The following ASPHD1 variants were observed in gnomAD, a reference collection of about 807,000 sequenced individuals.
ASPHD1 encodes aspartate beta-hydroxylase domain containing 1.
ASPHD1 carries 20 observed loss-of-function variants against 28.3 expected under a neutral mutation model. That is an observed-to-expected ratio of 0.71 (90% confidence interval 0.50 to 1.03). The LOEUF is 1.03. Ranked by LOEUF, ASPHD1 falls within the 50% of genes least tolerant of loss-of-function variation. The pLI is 0.00. For synonymous variants in ASPHD1, 240 were observed against 221.2 expected, an observed-to-expected ratio of 1.08 and a Z score of -0.75; for missense variants, 479 against 524.1, an observed-to-expected ratio of 0.91 and a Z score of 0.84.
intron 1 of ASPHD1, among the ~76,000 whole-genome samples, chr16:29,902,538 C>T (rs189952296): frequency 5.0e-4 from 76 of 152,354 alleles, no homozygotes; most frequent in African/African-American, 1.6e-3. Context: ...TGAGGAGTCT[C>T]GCTCTGTCGC....
downstream of ASPHD1, chr16:29,906,891 T>C: frequency 1.2e-6 from 2 of 1,613,914 alleles, no homozygotes; most frequent in Non-Finnish European, 1.7e-6. Context: ...GAAGACAATT[T>C]GTTGGCCATG....
Position 29,901,958 on chromosome 16 carries a change from G to C in ASPHD1, c.949+38G>C. The C allele has an allele frequency of 7.1e-7, 1 of 1,416,986 alleles. No homozygotes were observed. The highest frequency in any genetic ancestry group is 9.3e-7 in the Non-Finnish European group (1 of 1,080,180). 87.8% of individuals were successfully genotyped at this position (1,416,986 alleles called of 1,614,324 possible). A position where few individuals can be genotyped will look rare whatever the true frequency, so the allele number is the denominator to read the frequency against. Reference sequence around the variant, plus strand: ...CGCCTACTGACAACCTCCTTGCCTCGATGATTTCCCCCCCAGACCCTTCTC... The same window carrying C: ...CGCCTACTGACAACCTCCTTGCCTCCATGATTTCCCCCCCAGACCCTTCTC... On this transcript the variant is annotated intron_variant, in intron 1 of 2. Transcript: ENST00000308748. The surrounding 1 kb of genome is among the most constrained non-coding windows in gnomAD (Gnocchi z 5.1).
chr16:29,905,080 C>T, intron 2 of ASPHD1, 115 bp downstream of exon 2: 1 of 715,562 alleles, frequency 1.4e-6, no homozygotes, highest in East Asian at 2.8e-5. Context: ...CACCATCTTC[C>T]AGCTGCATGA....
intron 3 of ASPHD1, chr16:29,911,890 C>A: frequency 2.5e-6 from 4 of 1,611,472 alleles, no homozygotes; most frequent in Non-Finnish European, 2.5e-6. Flanking sequence ...AGAGGATGGA[C>A]GAGAGGGGTG....
downstream of ASPHD1, among the ~76,000 whole-genome samples, chr16:29,908,792 T>A (rs918042255): frequency 2.6e-5 from 4 of 151,316 alleles, no homozygotes; most frequent in African/African-American, 7.3e-5. Flanking sequence ...AGCCTCAACC[T>A]CCCGGGCTCA....
intron 1 of ASPHD1, among the ~76,000 whole-genome samples, chr16:29,902,226 C>A (rs2068559581): frequency 6.6e-6 from 1 of 152,164 alleles, no homozygotes; most frequent in Non-Finnish European, 1.5e-5. Context: ...AAATAGTACT[C>A]ATAAAAAGCC....
intron 3 of ASPHD1, among the ~76,000 whole-genome samples, chr16:29,915,613 AAAAAAAGAAAAGAAAAAG>A (rs914572199): frequency 4.6e-5 from 7 of 152,098 alleles, no homozygotes; most frequent in African/African-American, 1.7e-4. Flanking sequence ...CTCAAAAAAA[AAAAAAAGAAAAGAAAAAG>A]AAAAAAGAAA....
In ASPHD1 at chr16:29,918,487, T is replaced by C. The variant is rs1444202626; in HGVS notation, c.*63-1044T>C. Among the ~76,000 whole-genome samples, 4 of 152,214 alleles carry C rather than the reference T, an allele frequency of 2.6e-5. No homozygotes were observed. The East Asian group carries it at 5.8e-4, about 22-fold the overall frequency. ...TTATTTTATTATTTATTCATTTATT[T>C]TGAGACAGAGTCTTGCTCTGTTGAC... On this transcript the variant is annotated intron_variant and NMD_transcript_variant, in intron 3 of 3. Coordinates refer to the ASPHD1 transcript ENST00000414952.
chr16:29,905,913 T>G lies in ASPHD1; in HGVS notation c.*16T>G, dbSNP rs1188708090. 5 of 1,498,024 alleles carry G rather than the reference T, an allele frequency of 3.3e-6. No homozygotes were observed. The highest frequency in any genetic ancestry group is 4.5e-6 in the Non-Finnish European group (5 of 1,105,424). 92.8% of individuals were successfully genotyped at this position (1,498,024 alleles called of 1,614,324 possible). On this transcript the variant is annotated 3_prime_UTR_variant, in exon 3 of 3. Coordinates refer to ENST00000308748, the MANE Select transcript of ASPHD1 (RefSeq NM_181718.4). Reference sequence around the variant, plus strand: ...AGACCCTTGAAGGAAGGTGCTCCCTTCACACACCCAGGCTGGAGAGACACT... The same window carrying G: ...AGACCCTTGAAGGAAGGTGCTCCCTGCACACACCCAGGCTGGAGAGACACT...
intron 3 of ASPHD1, among the ~76,000 whole-genome samples, chr16:29,917,473 C>T (rs1173709626): frequency 6.6e-6 from 1 of 152,008 alleles, no homozygotes; most frequent in African/African-American, 2.4e-5. Context: ...ATGGCAAAAC[C>T]CCCTTTCTAC....
In ASPHD1 at chr16:29,901,009, G is replaced by T. The variant is rs201803003; in HGVS notation, c.38G>T (p.Gly13Val). Residue 13 changes from glycine (G) to valine (V), a missense_variant, in exon 1 of 3, where the codon GGA becomes GTA. Gly to Val is a moderately radical substitution (Grantham distance 109). Transcript: ENST00000308748. The surrounding 1 kb of genome is among the most constrained non-coding windows in gnomAD (Gnocchi z 5.1). ...EGRGSFSVER[G>V]PRKERETAQS... ...AGAGGGAGCTTCAGCGTGGAGAGAG[G>T]ACCGCGGAAGGAGAGAGAGACAGCC... 2 of 1,565,318 alleles carry T rather than the reference G, an allele frequency of 1.3e-6. No homozygotes were observed. The highest frequency in any genetic ancestry group is 4.7e-5 in the East Asian group (2 of 42,192).
At chr16:29,918,813 A>G (rs1226106658) in intron 3 of ASPHD1, among the ~76,000 whole-genome samples, 3 of 152,078 alleles carry the variant, frequency 2.0e-5, no homozygotes, top group African/African-American at 7.2e-5. Context: ...GCCCACCACC[A>G]GGCCTGGCTA....
rs775142081 is a variant in ASPHD1 at position 29,901,715 on chromosome 16, G to A, written c.744G>A (p.Gly248=). ...PRGWSPPLAP[G]CYQLLLYQAG... ...GCTGGTCCCCACCTCTGGCCCCCGG[G>A]TGCTACCAGCTCCTGCTGTACCAAG... The change falls in exon 1 of 3, where the codon GGG becomes GGA. Residue 248 remains glycine (G), a synonymous_variant. Coordinates refer to ENST00000308748, the MANE Select transcript of ASPHD1 (RefSeq NM_181718.4). This position sits in a 1 kb window ranked among gnomAD's most constrained non-coding sequence, Gnocchi z 5.1. The A allele has an allele frequency of 3.8e-6, 6 of 1,571,512 alleles. No individual in the cohort carries two copies. The East Asian group carries it at 1.1e-4, about 29-fold the overall frequency.
At chr16:29,912,008 C>T in intron 3 of ASPHD1, 1 of 1,611,710 alleles carries the variant, frequency 6.2e-7, no homozygotes, top group South Asian at 1.1e-5. Flanking sequence ...GAGATGTCAC[C>T]ATGGGGATGA....
intron 3 of ASPHD1, chr16:29,911,796 C>T (rs772341718): frequency 1.9e-6 from 3 of 1,611,902 alleles, no homozygotes; most frequent in Admixed American, 3.3e-5. Flanking sequence ...CGCCCAGTGC[C>T]CCGCACCCCG....
At chr16:29,906,805 G>A, downstream of ASPHD1, 2 of 1,417,276 alleles carry the variant, frequency 1.4e-6, no homozygotes, top group Non-Finnish European at 2.0e-6. Context: ...CAAAAGTCTG[G>A]GAAGGGGAGG....
Position 29,900,779 on chromosome 16 carries a change from G to A in ASPHD1, c.-193G>A. 1.6e-6 allele frequency: 1 copy of A among 619,424 alleles called. No homozygotes were observed. Among genetic ancestry groups the A allele is most frequent in the South Asian group, 2.0e-5 (1 of 49,858 alleles). 38.4% of individuals were successfully genotyped at this position (619,424 alleles called of 1,614,324 possible). A position where few individuals can be genotyped will look rare whatever the true frequency, so the allele number is the denominator to read the frequency against. On this transcript the variant is annotated 5_prime_UTR_variant, in exon 1 of 3. Coordinates refer to ENST00000308748, the MANE Select transcript of ASPHD1 (RefSeq NM_181718.4). Reference sequence around the variant, plus strand: ...GCCCAGGGGAGCTAGGAGGAAGCGGGGAGAGAGAGCGAGCGAAAAGCGGGG... The same window carrying A: ...GCCCAGGGGAGCTAGGAGGAAGCGGAGAGAGAGAGCGAGCGAAAAGCGGGG...
chr16:29,907,159 G>C, downstream of ASPHD1: 1 of 1,344,516 alleles, frequency 7.4e-7, no homozygotes, highest in Non-Finnish European at 1.0e-6. Context: ...CAGTCACGCA[G>C]GGCCATCCCC....
In ASPHD1 at chr16:29,901,752, C is replaced by A; in HGVS notation, c.781C>A (p.Gln261Lys). 1 of 1,549,154 alleles carries A rather than the reference C, an allele frequency of 6.5e-7. No individual in the cohort carries two copies. The highest frequency in any genetic ancestry group is 1.2e-5 in the South Asian group (1 of 82,150). The change falls in exon 1 of 3, where the codon CAA becomes AAA. Residue 261 changes from glutamine to lysine, a missense_variant. By Grantham distance (53) the Gln-to-Lys change is moderately conservative. Coordinates refer to ENST00000308748, the MANE Select transcript of ASPHD1 (RefSeq NM_181718.4). The surrounding 1 kb of genome is among the most constrained non-coding windows in gnomAD (Gnocchi z 5.1). ...CCTGCTGTACCAAGCAGGCCGGTGCCAACCCAGCAACTGCCGCCGGTGCCC... is the reference window on the plus strand; with the variant it reads ...CCTGCTGTACCAAGCAGGCCGGTGCAAACCCAGCAACTGCCGCCGGTGCCC... ...QLLLYQAGRCQPSNCRRCPGA... is the reference protein window; with the variant it reads ...QLLLYQAGRCKPSNCRRCPGA...
Sources: gnomAD v4.1 joint callset for allele counts (sites outside exome capture counted in the v4.1 genomes callset) on GRCh38, gnomAD v4.1.1 for gene constraint, Gnocchi (gnomAD v3.1) non-coding constraint, MANE v1.5 for transcripts, NCBI Gene and HGNC (gene_info 2026-07-23, HGNC 2026-07-21) for gene names.